Variants in SASH1 observed in about 807,000 individuals in gnomAD.
The protein encoded by SASH1 is SAM and SH3 domain-containing protein 1.
SASH1 carries 44 observed loss-of-function variants against 125.2 expected under a neutral mutation model. The ratio of observed to expected loss-of-function variants is 0.35; its 90% confidence interval spans 0.28 to 0.45. The LOEUF is 0.45. SASH1 is among the 20% of genes least tolerant of loss of function. The pLI, the probability that SASH1 is intolerant of heterozygous loss-of-function variation, is 1.00. For synonymous variants in SASH1, 639 were observed against 649.1 expected (o/e 0.98, Z 0.24); for missense variants, 1,426 against 1,614.5 (o/e 0.88, Z 2.00).
chr6:148,279,036 A>G (rs1779263882), intron 1 of SASH1, among the ~76,000 whole-genome samples: 1 of 151,750 alleles, frequency 6.6e-6, no homozygotes, highest in African/African-American at 2.4e-5. Context: ...TCTGTTGCCC[A>G]GGCTGAGTGC....
intron 8 of SASH1, 103 bp downstream of exon 8, chr6:148,487,818 C>T (rs1474269804): frequency 2.6e-6 from 2 of 757,704 alleles, no homozygotes; most frequent in South Asian, 1.7e-5. Context: ...CGACTCGCAC[C>T]TGGGTCTGCA....
chr6:148,291,605 G>A (rs536016006), intron 1 of SASH1, among the ~76,000 whole-genome samples: 9 of 152,234 alleles, frequency 5.9e-5, no homozygotes, highest in African/African-American at 2.2e-4. Context: ...GATCGCTTGA[G>A]CCTAGGAGGT....
chr6:148,434,616 G>C (rs1389493462), intron 2 of SASH1, among the ~76,000 whole-genome samples: 1 of 152,012 alleles, frequency 6.6e-6, no homozygotes, highest in Non-Finnish European at 1.5e-5. Flanking sequence ...AATGAGATTT[G>C]TCATTCTTAA....
In SASH1 at chr6:148,471,386, C is replaced by CT. The variant is rs35487674; in HGVS notation, c.428-4dup. ...GAATTTATTGCTTGTGCTTTTTGTT[C>CT]TTTTTTTTTTTTTTTTTTTTTTTTT... On this transcript the variant is annotated intron_variant, in intron 5 of 19. Transcript: ENST00000367467. The CT allele has an allele frequency of 0.014, 7,103 of 502,542 alleles. 127 individuals carry two copies. The highest frequency in any genetic ancestry group is 0.028 in the Admixed American group (416 of 14,770). The allele number at this position is 502,542 out of a possible 1,614,324, so 31.1% of individuals were successfully genotyped here. A position where few individuals can be genotyped will look rare whatever the true frequency, so the allele number is the denominator to read the frequency against.
intron 1 of SASH1, among the ~76,000 whole-genome samples, chr6:148,352,634 T>G (rs1781774041): frequency 1.5e-5 from 2 of 130,608 alleles, no homozygotes; most frequent in African/African-American, 5.6e-5. Context: ...AATAAATAAA[T>G]AAATAAATAG....
chr6:148,254,605 C>T, the SASH1 span, among the ~76,000 whole-genome samples: 5 of 152,182 alleles, frequency 3.3e-5, no homozygotes, highest in African/African-American at 1.2e-4. Context: ...AGATGCTTAA[C>T]ATCACTAGTT....
At chr6:148,522,306 GA>G (rs1780867033) in intron 10 of SASH1, among the ~76,000 whole-genome samples, 2 of 149,720 alleles carry the variant, frequency 1.3e-5, no homozygotes, top group South Asian at 4.2e-4. Flanking sequence ...ATTATCCAGA[GA>G]ATGTAAATAA....
chr6:148,438,650 T>C (rs1776395939), intron 2 of SASH1, among the ~76,000 whole-genome samples: 1 of 151,366 alleles, frequency 6.6e-6, no homozygotes, highest in African/African-American at 2.4e-5. Flanking sequence ...CCCATTTCTC[T>C]TTCTGGCCGC....
At chr6:148,208,366 T>C in the SASH1 span, among the ~76,000 whole-genome samples, 4,820 of 152,304 alleles carry the variant, frequency 0.032, 119 homozygotes, top group South Asian at 0.064. Flanking sequence ...TTGGCATTGT[T>C]GGGTTCACAA....
upstream of SASH1, among the ~76,000 whole-genome samples, chr6:148,270,920 T>C (rs1779047254): frequency 6.6e-6 from 1 of 150,698 alleles, no homozygotes; most frequent in Admixed American, 6.6e-5. Context: ...TTTTTTTTTT[T>C]TTTTTTGAGA....
At chr6:148,447,119 C>G (rs1776830776) in intron 4 of SASH1, among the ~76,000 whole-genome samples, 1 of 152,216 alleles carries the variant, frequency 6.6e-6, no homozygotes, top group Non-Finnish European at 1.5e-5. Context: ...AAATAAATCT[C>G]AAAACTTCAC....
intron 4 of SASH1, among the ~76,000 whole-genome samples, chr6:148,455,839 G>A (rs73585674): frequency 0.046 from 7,060 of 152,272 alleles, 229 homozygotes; most frequent in African/African-American, 0.089. Context: ...CACAGCCATG[G>A]TCTGGAGGGG....
At chr6:148,293,157 A>G (rs948051173) in intron 1 of SASH1, among the ~76,000 whole-genome samples, 2 of 152,146 alleles carry the variant, frequency 1.3e-5, no homozygotes, top group Non-Finnish European at 2.9e-5. Flanking sequence ...ACCTGGATAT[A>G]GTGGCCACAG....
intron 1 of SASH1, among the ~76,000 whole-genome samples, chr6:148,302,887 T>G (rs1316642882): frequency 6.6e-6 from 1 of 151,652 alleles, no homozygotes; most frequent in African/African-American, 2.4e-5. Flanking sequence ...ATGGCAACTA[T>G]TCTTCTCCCA....
chr6:148,417,862 A>G (rs914039283), intron 2 of SASH1, among the ~76,000 whole-genome samples: 1 of 152,218 alleles, frequency 6.6e-6, no homozygotes, highest in East Asian at 1.9e-4. Flanking sequence ...GAATGAAGCA[A>G]AGAAGAAGAT....
intron 1 of SASH1, among the ~76,000 whole-genome samples, chr6:148,315,112 A>G (rs1780446985): frequency 6.6e-6 from 1 of 152,212 alleles, no homozygotes; most frequent in South Asian, 2.1e-4. Context: ...AAGGGATTAA[A>G]TTAGCTACTA....
At chr6:148,525,794 A>G (rs1185943523) in intron 11 of SASH1, among the ~76,000 whole-genome samples, 1 of 152,130 alleles carries the variant, frequency 6.6e-6, no homozygotes, top group Non-Finnish European at 1.5e-5. Flanking sequence ...CACCAGTCTT[A>G]TTATGGGCCC....
At chr6:148,308,277 C>CCCA (rs1163056220) in intron 1 of SASH1, among the ~76,000 whole-genome samples, 1 of 151,688 alleles carries the variant, frequency 6.6e-6, no homozygotes, top group Non-Finnish European at 1.5e-5. Context: ...TAAATCCGCC[C>CCCA]CCCCCAAAAA....
the SASH1 span, among the ~76,000 whole-genome samples, chr6:148,217,372 C>T: frequency 3.0e-4 from 45 of 152,338 alleles, no homozygotes; most frequent in Middle Eastern, 3.4e-3. Context: ...TTGGCATGTG[C>T]TGCGTACTTG....
Sources: gnomAD v4.1 joint callset for allele counts (sites outside exome capture counted in the v4.1 genomes callset) on GRCh38, gnomAD v4.1.1 for gene constraint, MANE v1.5 for transcripts, NCBI Gene and HGNC (gene_info 2026-07-23, HGNC 2026-07-21) for gene names.